ZNF251: variants seen among roughly 807,000 people sequenced by gnomAD.
The protein encoded by ZNF251 is zinc finger protein 251.
A neutral mutation model predicts 13.5 loss-of-function variants in ZNF251; 14 were observed. The ratio of observed to expected loss-of-function variants is 1.04; its 90% CI spans 0.69 to 1.63. ZNF251 has a LOEUF of 1.63. ZNF251 is among the 40% of genes most tolerant of loss of function. The pLI, the probability that ZNF251 is intolerant of heterozygous loss-of-function variation, is 0.00. For synonymous variants in ZNF251, 287 were observed against 295.2 expected (o/e 0.97, Z 0.28); for missense variants, 764 against 834.9 (o/e 0.92, Z 1.05).
intron 4 of ZNF251, chr8:144,730,147 G>A: frequency 4.1e-6 from 4 of 980,580 alleles, no homozygotes; most frequent in Non-Finnish European, 4.8e-6. Flanking sequence ...GAACCAAACA[G>A]GGAAGTGGAG....
At position 144,721,322 on chromosome 8, in the gene ZNF251, T is replaced by C. The variant is rs1823366347; in HGVS notation, c.*322A>G. The C allele has an allele frequency of 2.7e-6, 1 of 374,608 alleles. No homozygotes were observed. The highest frequency in any genetic ancestry group is 4.7e-6 in the Non-Finnish European group (1 of 211,174). The allele number at this position is 374,608 out of a possible 1,614,324, so 23.2% of individuals were successfully genotyped here. On this transcript the variant is annotated 3_prime_UTR_variant, in exon 5 of 5. Coordinates refer to ENST00000292562, the MANE Select transcript of ZNF251 (RefSeq NM_138367.2). Reference sequence around the variant, plus strand: ...CTGGATAGGAAACAAAGGATAAGACTGGAAGGATGTCAGGTAGGGTAGACC... The same window carrying C: ...CTGGATAGGAAACAAAGGATAAGACCGGAAGGATGTCAGGTAGGGTAGACC...
intron 4 of ZNF251, among the ~76,000 whole-genome samples, chr8:144,735,685 G>A (rs1252412754): frequency 1.3e-5 from 2 of 152,120 alleles, no homozygotes; most frequent in Admixed American, 6.6e-5. Flanking sequence ...AGACTCAACC[G>A]CCCACCATAG....
intron 4 of ZNF251, among the ~76,000 whole-genome samples, chr8:144,745,213 G>A (rs1362452760): frequency 1.5e-5 from 2 of 137,432 alleles, no homozygotes; most frequent in African/African-American, 2.8e-5. Flanking sequence ...TTTTTGGCAC[G>A]TGGATGTTCA....
chr8:144,749,845 T>TA (rs1162242236), intron 4 of ZNF251, among the ~76,000 whole-genome samples: 1 of 151,648 alleles, frequency 6.6e-6, no homozygotes, highest in Non-Finnish European at 1.5e-5. Flanking sequence ...CTCTAGTATT[T>TA]AAAAAATTCT....
rs556176188 is a variant in ZNF251, at chr8:144,752,067, A to C, written c.277+1616T>G. Among the ~76,000 whole-genome samples the C allele has an allele frequency of 3.3e-5, 5 of 152,028 alleles. No individual in the cohort carries two copies. In the East Asian group the frequency reaches 9.6e-4, roughly 29 times the overall value. Reference sequence around the variant, plus strand: ...CACTACAAAAATTAAAGTGAAGAAAAGACAATTCCACAATCATACTTCTGT... The same window carrying C: ...CACTACAAAAATTAAAGTGAAGAAACGACAATTCCACAATCATACTTCTGT... On this transcript the variant is annotated intron_variant, in intron 4 of 4. Transcript: ENST00000292562.
intron 4 of ZNF251, chr8:144,753,385 C>A: frequency 4.0e-6 from 1 of 249,098 alleles, no homozygotes; most frequent in Non-Finnish European, 7.5e-6. Context: ...TATCTATTGT[C>A]AAAAGGAAAT....
intron 4 of ZNF251, among the ~76,000 whole-genome samples, chr8:144,742,348 GA>G (rs775603937): frequency 6.6e-6 from 1 of 152,130 alleles, no homozygotes; most frequent in Non-Finnish European, 1.5e-5. Context: ...CAGATCATCA[GA>G]AAGGGATGAA....
In ZNF251 at chr8:144,721,458, C is replaced by T. The variant is rs180992942; in HGVS notation, c.*186G>A. On this transcript the variant is annotated 3_prime_UTR_variant, in exon 5 of 5. Transcript: ENST00000292562. ...AGCACAGCAGTAACCTTTACACAGACAGCCTGATTTCCCAGAATGAATTCT... is the reference window on the plus strand; with the variant it reads ...AGCACAGCAGTAACCTTTACACAGATAGCCTGATTTCCCAGAATGAATTCT... 217 of 567,734 alleles carry T rather than the reference C, an allele frequency of 3.8e-4. No homozygotes were observed. Among genetic ancestry groups the T allele is most frequent in the Non-Finnish European group, 5.4e-4 (205 of 379,710 alleles). 35.2% of individuals were successfully genotyped at this position (567,734 alleles called of 1,614,324 possible).
At position 144,721,857 on chromosome 8, in the gene ZNF251, G is replaced by A. The variant is rs149916019; in HGVS notation, c.1803C>T (p.Asn601=). The change falls in exon 5 of 5, where the codon AAC becomes AAT. Residue 601 remains asparagine (N), a synonymous_variant. Coordinates refer to ENST00000292562, the MANE Select transcript of ZNF251 (RefSeq NM_138367.2). The part of the protein sequence containing the change: ...EKPYKCQECG[N]AFSGKSTLIQ... ...TAAGGGTTGACTTTCCACTGAAGGC[G>A]TTTCCACATTCTTGACATTTATAGG... 1.3e-5 allele frequency: 19 copies of A among 1,496,098 alleles called. No homozygotes were observed. Among genetic ancestry groups the A allele is most frequent in the African/African-American group, 7.0e-5 (5 of 71,416 alleles). 92.7% of individuals were successfully genotyped at this position (1,496,098 alleles called of 1,614,324 possible). A position where few individuals can be genotyped will look rare whatever the true frequency, so the allele number is the denominator to read the frequency against.
At chr8:144,735,025 G>A (rs1823836149) in intron 4 of ZNF251, among the ~76,000 whole-genome samples, 1 of 151,570 alleles carries the variant, frequency 6.6e-6, no homozygotes, top group Non-Finnish European at 1.5e-5. Context: ...AGTGAGCCAA[G>A]ATCGCACCAC....
chr8:144,742,585 C>A (rs947314440), intron 4 of ZNF251, among the ~76,000 whole-genome samples: 1 of 151,772 alleles, frequency 6.6e-6, no homozygotes, highest in African/African-American at 2.4e-5. Context: ...AGGGCTCACT[C>A]GTGGTGCCGC....
At position 144,755,464 on chromosome 8, in the gene ZNF251, G is replaced by T. The variant is rs948476889; in HGVS notation, c.-135C>A. On this transcript the variant is annotated 5_prime_UTR_variant, in exon 1 of 5. Transcript: ENST00000292562. ...CGCCGAGGAGCTGCGCAGTCGCACC[G>T]AGCCCGGAACGGACCCTCCCACAGA... 1.6e-6 allele frequency: 2 copies of T among 1,287,698 alleles called. No homozygotes were observed. Among genetic ancestry groups the T allele is most frequent in the Non-Finnish European group, 2.0e-6 (2 of 988,758 alleles). 79.8% of individuals were successfully genotyped at this position (1,287,698 alleles called of 1,614,324 possible). A position where few individuals can be genotyped will look rare whatever the true frequency, so the allele number is the denominator to read the frequency against.
chr8:144,755,338 G>T, intron 1 of ZNF251, 67 bp downstream of exon 1: 3 of 1,251,268 alleles, frequency 2.4e-6, no homozygotes, highest in Non-Finnish European at 2.1e-6. Context: ...GCCTCCCCGC[G>T]CCCTCCCCGC....
At chr8:144,732,607 TGG>T (rs1563758722) in intron 4 of ZNF251, among the ~76,000 whole-genome samples, 64 of 150,440 alleles carry the variant, frequency 4.3e-4, no homozygotes, top group African/African-American at 1.5e-3. Flanking sequence ...GGTCAGGAGA[TGG>T]AGACCATCCT....
chr8:144,722,357 A>G lies in ZNF251; in HGVS notation c.1303T>C (p.Cys435Arg), dbSNP rs1240178175. The change falls in exon 5 of 5, where the codon TGT becomes CGT. Residue 435 changes from cysteine (C) to arginine (R), a missense_variant. Coordinates refer to ENST00000292562, the MANE Select transcript of ZNF251 (RefSeq NM_138367.2). This position sits in a 1 kb window ranked among gnomAD's most constrained non-coding sequence, Gnocchi z 4.8. ...RIHTGEKPYV[C>R]NECGKAFRRS... ...CGAAAGGCTTTGCCGCACTCATTACAAACATAGGGTTTTTCTCCTGTGTGA... is the reference window on the plus strand; with the variant it reads ...CGAAAGGCTTTGCCGCACTCATTACGAACATAGGGTTTTTCTCCTGTGTGA... 6.2e-7 allele frequency: 1 copy of G among 1,613,996 alleles called. No individual in the cohort carries two copies. Among genetic ancestry groups the G allele is most frequent in the Admixed American group, 1.7e-5 (1 of 60,022 alleles).
At chr8:144,754,159 A>G (rs1273030166) in intron 3 of ZNF251, 33 bp downstream of exon 3, 6 of 1,596,994 alleles carry the variant, frequency 3.8e-6, no homozygotes, top group African/African-American at 2.7e-5. Flanking sequence ...AGAGGCCCCC[A>G]CTGCGAACCA....
chr8:144,724,831 C>G (rs1823471718), intron 4 of ZNF251, among the ~76,000 whole-genome samples: 1 of 152,158 alleles, frequency 6.6e-6, no homozygotes, highest in South Asian at 2.1e-4. Context: ...ACAGCATAAA[C>G]CAACTTTTAT....
intron 4 of ZNF251, among the ~76,000 whole-genome samples, chr8:144,730,930 G>C (rs757899325): frequency 1.3e-5 from 2 of 152,236 alleles, no homozygotes; most frequent in African/African-American, 4.8e-5. Context: ...GACACCCAGT[G>C]ACGGTCGTGG....
intron 4 of ZNF251, among the ~76,000 whole-genome samples, chr8:144,733,995 C>T (rs566983935): frequency 1.2e-4 from 19 of 152,322 alleles, no homozygotes; most frequent in Admixed American, 7.8e-4. Flanking sequence ...AGGTCTGTTC[C>T]GCAGCCGGCA....
Sources: allele counts gnomAD v4.1 joint callset (sites outside exome capture counted in the v4.1 genomes callset), GRCh38; gene constraint gnomAD v4.1.1; non-coding constraint Gnocchi (gnomAD v3.1); transcripts MANE v1.5; gene names NCBI Gene and HGNC (gene_info 2026-07-23, HGNC 2026-07-21).